Variants in RALGAPA2 observed in about 807,000 individuals in gnomAD.
RALGAPA2 encodes the protein ral GTPase-activating protein subunit alpha-2.
A neutral mutation model predicts 230.4 loss-of-function variants in RALGAPA2; 139 were observed. The ratio of observed to expected loss-of-function variants is 0.60; its 90% confidence interval spans 0.53 to 0.69. RALGAPA2 has a LOEUF of 0.69. Among genes scored for constraint, RALGAPA2 ranks in the 30% least tolerant of loss-of-function variants. RALGAPA2 has a pLI of 0.00. For synonymous variants in RALGAPA2, 847 were observed against 837.8 expected (o/e 1.01, Z -0.19); for missense variants, 2,163 against 2,276.0 (o/e 0.95, Z 1.01).
chr20:20,698,027 A>G (rs2069185530), intron 1 of RALGAPA2, among the ~76,000 whole-genome samples: 1 of 152,052 alleles, frequency 6.6e-6, no homozygotes, highest in South Asian at 2.1e-4. Context: ...ACAAATACAA[A>G]TGTACTCAAC....
chr20:20,605,408 A>T lies in RALGAPA2; in HGVS notation c.1805T>A (p.Leu602His), dbSNP rs1421084651. Reference protein sequence around the residue: ...QSLAGLLFRTLMVAWIRANLC... With the variant: ...QSLAGLLFRTHMVAWIRANLC... ...GTTTGCTCGGATCCAAGCTACCATG[A>T]GCGTCTAAAACCAACCAACCAACAA... The change falls in exon 15 of 40, where the codon CTC (leucine) becomes CAC (histidine). Residue 602 changes from leucine (L) to histidine (H), a missense_variant. Physicochemically the swap from Leu to His is moderately conservative, Grantham distance 99. Transcript: ENST00000202677. 1.2e-6 allele frequency: 2 copies of T among 1,612,090 alleles called. No homozygotes were observed. The highest frequency in any genetic ancestry group is 1.7e-6 in the Non-Finnish European group (2 of 1,178,366).
intron 10 of RALGAPA2, among the ~76,000 whole-genome samples, chr20:20,624,506 C>T (rs1239531646): frequency 2.0e-5 from 3 of 152,014 alleles, no homozygotes; most frequent in African/African-American, 7.2e-5. Context: ...TGTGTAAATA[C>T]AGAATCAAGA....
rs776011710 is a variant in RALGAPA2, at chr20:20,573,022, C to T, written c.2754G>A (p.Gly918=). ...LTDDCSIIAG[G]SLTGWHPDSA... ...AGTCTGGGTGCCAACCAGTGAGGCT[C>T]CCCCCGGCGATTATACTACAGTCAT... Residue 918 remains glycine (G), a synonymous_variant, in exon 21 of 40, where the codon GGG becomes GGA. Coordinates refer to ENST00000202677, the MANE Select transcript of RALGAPA2 (RefSeq NM_020343.4). 1 of 1,609,504 alleles carries T rather than the reference C, an allele frequency of 6.2e-7. No homozygotes were observed. Among genetic ancestry groups the T allele is most frequent in the East Asian group, 2.2e-5 (1 of 44,684 alleles).
intron 1 of RALGAPA2, among the ~76,000 whole-genome samples, chr20:20,682,349 C>T (rs1055722148): frequency 6.6e-6 from 1 of 152,180 alleles, no homozygotes; most frequent in African/African-American, 2.4e-5. Flanking sequence ...GACAAGGAAT[C>T]CTTGAGTGCC....
At chr20:20,574,846 C>T (rs1006398470) in intron 20 of RALGAPA2, among the ~76,000 whole-genome samples, 1 of 152,142 alleles carries the variant, frequency 6.6e-6, no homozygotes, top group Non-Finnish European at 1.5e-5. Context: ...CATCTCCAAC[C>T]TGCAGCCTTT....
intron 10 of RALGAPA2, among the ~76,000 whole-genome samples, chr20:20,625,794 G>C (rs565703149): frequency 6.6e-6 from 1 of 152,220 alleles, no homozygotes; most frequent in South Asian, 2.1e-4. Context: ...TTACAGTGAA[G>C]TGACCCAGTG....
At chr20:20,682,779 G>A (rs1335090878) in intron 1 of RALGAPA2, among the ~76,000 whole-genome samples, 1 of 152,092 alleles carries the variant, frequency 6.6e-6, no homozygotes, top group Non-Finnish European at 1.5e-5. Flanking sequence ...CCATGAATTA[G>A]CCTACACATA....
chr20:20,567,597 G>A (rs932950454), intron 23 of RALGAPA2, among the ~76,000 whole-genome samples: 3 of 152,168 alleles, frequency 2.0e-5, no homozygotes, highest in African/African-American at 7.2e-5. Flanking sequence ...AACATACCTG[G>A]TGGAATAAGC....
Position 20,392,681 on chromosome 20 carries a change from A to C in RALGAPA2, c.*608T>G, listed in dbSNP as rs2059623668. On this transcript the variant is annotated 3_prime_UTR_variant, in exon 40 of 40. Transcript: ENST00000202677. ...CTGAGGTAAAACTTCTCCTGGGCAAAAGACCCCGGGGAAAGCCAATTTCCA... is the reference window on the plus strand; with the variant it reads ...CTGAGGTAAAACTTCTCCTGGGCAACAGACCCCGGGGAAAGCCAATTTCCA... The C allele has an allele frequency of 6.1e-6, 1 of 163,186 alleles. No individual in the cohort carries two copies. Among genetic ancestry groups the C allele is most frequent in the Admixed American group, 5.7e-5 (1 of 17,594 alleles). The allele number at this position is 163,186 out of a possible 1,614,324, so 10.1% of individuals were successfully genotyped here.
intron 35 of RALGAPA2, among the ~76,000 whole-genome samples, chr20:20,500,819 CTTGAAAG>C (rs1372228788): frequency 1.3e-5 from 2 of 152,184 alleles, no homozygotes; most frequent in Admixed American, 6.5e-5. Flanking sequence ...AATAGTAAGA[CTTGAAAG>C]TTGAAATTAC....
At chr20:20,401,761 G>A (rs184465688) in intron 38 of RALGAPA2, among the ~76,000 whole-genome samples, 285 of 152,276 alleles carry the variant, frequency 1.9e-3, no homozygotes, top group African/African-American at 6.0e-3. Flanking sequence ...TAGTTTTACC[G>A]ATAAAAACTG....
At chr20:20,503,669 A>G in intron 34 of RALGAPA2, among the ~76,000 whole-genome samples, 163 bp from the exon 35 acceptor site, 1 of 152,244 alleles carries the variant, frequency 6.6e-6, no homozygotes, top group East Asian at 1.9e-4. Context: ...TTAAAATGTT[A>G]AAGAAATAAA....
In RALGAPA2 at chr20:20,512,644, G is replaced by T; in HGVS notation, c.4725C>A (p.Ile1575=). 3 of 1,613,920 alleles carry T rather than the reference G, an allele frequency of 1.9e-6. No homozygotes were observed. Among genetic ancestry groups the T allele is most frequent in the South Asian group, 2.2e-5 (2 of 91,082 alleles). ...LRQNAQEDEY[I]QSHNFDSAMK... is the part of the protein sequence containing the mutation. ...TTGCAGAATCGAAGTTATGACTCTG[G>T]ATATACTCATCCTCTTGAGCATTTT... Residue 1575 remains isoleucine, a synonymous_variant, in exon 32 of 40, where the codon ATC becomes ATA. Transcript: ENST00000202677.
intron 9 of RALGAPA2, among the ~76,000 whole-genome samples, chr20:20,635,010 G>A (rs534708843): frequency 3.9e-5 from 6 of 152,216 alleles, no homozygotes; most frequent in East Asian, 1.9e-4. Flanking sequence ...GAGGGTGCTC[G>A]GCAGCTTCAC....
chr20:20,669,266 G>A (rs2068057585), intron 3 of RALGAPA2, among the ~76,000 whole-genome samples: 1 of 152,144 alleles, frequency 6.6e-6, no homozygotes, highest in Admixed American at 6.6e-5. Flanking sequence ...CTAGTAAAAG[G>A]GGATGGCATA....
Position 20,527,463 on chromosome 20 carries a change from A to G in RALGAPA2, c.3583-1101T>C, listed in dbSNP as rs563656050. ...AAACACTCTGGCTTGCTTCTGCCCC[A>G]TGGCCTTTGCACCTGCTCCTTCCCA... On this transcript the variant is annotated intron_variant, in intron 27 of 39. Coordinates refer to ENST00000202677, the MANE Select transcript of RALGAPA2 (RefSeq NM_020343.4). Among the ~76,000 whole-genome samples, 160 of 152,068 alleles carry G rather than the reference A, an allele frequency of 1.1e-3. 1 individual carries two copies. The highest frequency in any genetic ancestry group is 3.7e-3 in the African/African-American group (153 of 41,480).
At chr20:20,415,323 A>C (rs962232904) in intron 37 of RALGAPA2, among the ~76,000 whole-genome samples, 26 of 152,252 alleles carry the variant, frequency 1.7e-4, no homozygotes, top group Non-Finnish European at 3.2e-4. Context: ...TGAAAGAGGC[A>C]CCAGGTCACC....
intron 35 of RALGAPA2, among the ~76,000 whole-genome samples, chr20:20,499,355 G>A (rs2062305807): frequency 6.6e-6 from 1 of 151,896 alleles, no homozygotes; most frequent in Non-Finnish European, 1.5e-5. Flanking sequence ...CTTTACTTAA[G>A]AAATAATTTA....
At chr20:20,402,370 T>C (rs912674510) in intron 38 of RALGAPA2, among the ~76,000 whole-genome samples, 7 of 152,256 alleles carry the variant, frequency 4.6e-5, no homozygotes, top group African/African-American at 1.7e-4. Flanking sequence ...CCCTTCTGTG[T>C]CACTGAGTTG....
Sources: gnomAD v4.1 joint callset for allele counts (sites outside exome capture counted in the v4.1 genomes callset) on GRCh38, gnomAD v4.1.1 for gene constraint, MANE v1.5 for transcripts, NCBI Gene and HGNC (gene_info 2026-07-23, HGNC 2026-07-21) for gene names.